Variants in GUCY1B1 observed in about 807,000 individuals in gnomAD.
The protein encoded by GUCY1B1 is guanylate cyclase 1 soluble subunit beta 1.
A neutral mutation model predicts 71.0 loss-of-function variants in GUCY1B1; 43 were observed. The ratio of observed to expected loss-of-function variants is 0.61; its 90% CI spans 0.47 to 0.78. The LOEUF (loss-of-function observed/expected upper bound fraction) is 0.78, where lower values mean the gene tolerates loss of function less well. GUCY1B1 is among the 30% of genes least tolerant of loss of function. GUCY1B1 has a pLI of 0.00. For missense variants in GUCY1B1, 535 were observed against 754.1 expected (o/e 0.71, Z 3.40); for synonymous variants, 266 against 259.7 (o/e 1.02, Z -0.23).
chr4:155,766,399 T>C (rs1332601980), intron 2 of GUCY1B1, among the ~76,000 whole-genome samples: 1 of 152,188 alleles, frequency 6.6e-6, no homozygotes, highest in Admixed American at 6.5e-5. Context: ...ATCAAGCCAA[T>C]TGCCATATTC....
At chr4:155,764,083 A>G (rs919400274) in intron 2 of GUCY1B1, among the ~76,000 whole-genome samples, 20 of 152,142 alleles carry the variant, frequency 1.3e-4, no homozygotes, top group African/African-American at 4.3e-4. Flanking sequence ...AAATGCAACA[A>G]ATGCTCTTAA....
At chr4:155,795,306 G>C (rs780992791) in intron 6 of GUCY1B1, 35 bp from the exon 7 acceptor site, 5 of 1,016,430 alleles carry the variant, frequency 4.9e-6, no homozygotes, top group Non-Finnish European at 7.7e-6. Flanking sequence ...TATTTTAACT[G>C]ATGTGATACT....
chr4:155,759,297 C>A (rs1736782708), intron 1 of GUCY1B1, 154 bp downstream of exon 1: 2 of 711,666 alleles, frequency 2.8e-6, no homozygotes, highest in Non-Finnish European at 4.5e-6. Context: ...CGCGCCCAGT[C>A]AGGGGAGGTG....
At chr4:155,799,607 T>A (rs79887441) in intron 8 of GUCY1B1, among the ~76,000 whole-genome samples, 107 of 152,316 alleles carry the variant, frequency 7.0e-4, no homozygotes, top group African/African-American at 2.3e-3. Flanking sequence ...ATAGAGATGT[T>A]TTCTACATGA....
intron 3 of GUCY1B1, among the ~76,000 whole-genome samples, chr4:155,775,621 C>T (rs996130929): frequency 6.6e-6 from 1 of 152,068 alleles, no homozygotes; most frequent in Non-Finnish European, 1.5e-5. Flanking sequence ...CAACAGAAAG[C>T]CATGTATTCA....
intron 2 of GUCY1B1, among the ~76,000 whole-genome samples, chr4:155,766,061 C>G (rs1191950749): frequency 6.6e-6 from 1 of 152,148 alleles, no homozygotes; most frequent in African/African-American, 2.4e-5. Context: ...CTCTCTCTCT[C>G]CCTCTCTCTA....
chr4:155,780,346 A>G (rs1401622691), intron 4 of GUCY1B1, among the ~76,000 whole-genome samples: 1 of 152,048 alleles, frequency 6.6e-6, no homozygotes, highest in Admixed American at 6.6e-5. Context: ...CCCCATAGAT[A>G]AATTCTATTA....
intron 4 of GUCY1B1, chr4:155,785,182 C>T (rs983929440): frequency 3.4e-6 from 2 of 587,820 alleles, no homozygotes; most frequent in Non-Finnish European, 5.9e-6. Flanking sequence ...AAATTAAAAC[C>T]TTTAGGTATC....
chr4:155,760,599 A>G (rs80346610), intron 2 of GUCY1B1, among the ~76,000 whole-genome samples: 4 of 152,210 alleles, frequency 2.6e-5, no homozygotes, highest in African/African-American at 9.6e-5. Flanking sequence ...ATGGGTCAGC[A>G]TGTCTGCAGG....
chr4:155,766,994 T>C (rs1417273370), intron 2 of GUCY1B1, among the ~76,000 whole-genome samples: 1 of 152,096 alleles, frequency 6.6e-6, no homozygotes, highest in East Asian at 1.9e-4. Flanking sequence ...CCACAGAAAA[T>C]AGATTCCTTC....
intron 9 of GUCY1B1, among the ~76,000 whole-genome samples, chr4:155,800,515 G>T (rs1372084495): frequency 6.6e-6 from 1 of 152,078 alleles, no homozygotes. Flanking sequence ...TTTATTTTCT[G>T]GGACCTTGAA....
chr4:155,787,920 C>T (rs1738907031), intron 4 of GUCY1B1, among the ~76,000 whole-genome samples: 1 of 152,192 alleles, frequency 6.6e-6, no homozygotes, highest in Non-Finnish European at 1.5e-5. Context: ...GGCATATCTC[C>T]AGTACTTTCA....
chr4:155,790,548 T>TA (rs1739086297), intron 5 of GUCY1B1, among the ~76,000 whole-genome samples: 1 of 152,146 alleles, frequency 6.6e-6, no homozygotes, highest in Non-Finnish European at 1.5e-5. Flanking sequence ...CTCTGGCCCT[T>TA]ACGGTTTCTC....
chr4:155,777,136 A>G (rs1262320972), intron 3 of GUCY1B1, among the ~76,000 whole-genome samples: 1 of 152,238 alleles, frequency 6.6e-6, no homozygotes, highest in African/African-American at 2.4e-5. Context: ...GCATGAAACA[A>G]CATTTTGACT....
Position 155,794,008 on chromosome 4 carries a change from T to A in GUCY1B1, c.648T>A (p.Ala216=). Residue 216 remains alanine, a synonymous_variant, in exon 6 of 14, where the codon GCT becomes GCA. Coordinates refer to ENST00000264424, the MANE Select transcript of GUCY1B1 (RefSeq NM_000857.5). ...SRISPYTFCK[A]FPFHIIFDRD... is the part of the protein sequence containing the mutation. ...TCAGCCCATATACATTCTGCAAAGC[T>A]TTTCCTTTTCATATAATATTTGACC... is the stretch of plus-strand genomic sequence containing the variant. The A allele has an allele frequency of 6.2e-7, 1 of 1,613,078 alleles. No individual in the cohort carries two copies. Among genetic ancestry groups the A allele is most frequent in the Non-Finnish European group, 8.5e-7 (1 of 1,179,106 alleles).
chr4:155,760,234 G>A (rs1244031056), intron 2 of GUCY1B1, among the ~76,000 whole-genome samples: 2 of 152,208 alleles, frequency 1.3e-5, no homozygotes, highest in African/African-American at 2.4e-5. Context: ...TCCTGCGCCC[G>A]GAGGCCTTAG....
At chr4:155,778,851 T>C (rs1738230060) in intron 4 of GUCY1B1, among the ~76,000 whole-genome samples, 1 of 152,356 alleles carries the variant, frequency 6.6e-6, no homozygotes, top group East Asian at 1.9e-4. Context: ...TTAGTACTTT[T>C]GTTGGCCACT....
chr4:155,798,594 C>T (rs1202830128), intron 8 of GUCY1B1, among the ~76,000 whole-genome samples: 1 of 152,046 alleles, frequency 6.6e-6, no homozygotes, highest in Non-Finnish European at 1.5e-5. Flanking sequence ...GCTTTATGAA[C>T]ATTGCTGCTG....
Position 155,791,767 on chromosome 4 carries a change from C to T in GUCY1B1, c.495+1856C>T, listed in dbSNP as rs1312011558. Among the ~76,000 whole-genome samples, 4 of 110,534 alleles carry T rather than the reference C, an allele frequency of 3.6e-5. No homozygotes were observed. The East Asian group carries it at 8.9e-4, about 25-fold the overall frequency. 72.5% of individuals were successfully genotyped at this position (110,534 alleles called of 152,430 possible). On this transcript the variant is annotated intron_variant, in intron 5 of 13. Transcript: ENST00000264424. ...AGAAAAAAAAAAAAATAAAGCAAAA[C>T]AAAACGAAAAACAAAAAAAAACACA...
Sources: gnomAD v4.1 joint callset for allele counts (sites outside exome capture counted in the v4.1 genomes callset) on GRCh38, gnomAD v4.1.1 for gene constraint, MANE v1.5 for transcripts, NCBI Gene and HGNC (gene_info 2026-07-23, HGNC 2026-07-21) for gene names.